Variants in PRKD1 observed in about 807,000 individuals in gnomAD.
PRKD1 encodes the protein serine/threonine-protein kinase D1.
PRKD1 carries 63 observed loss-of-function variants against 95.9 expected under a neutral mutation model. That is an observed-to-expected ratio of 0.66 (90% confidence interval 0.54 to 0.81). PRKD1 has a LOEUF of 0.81. Among genes scored for constraint, PRKD1 ranks in the 30% least tolerant of loss-of-function variants. PRKD1 has a pLI of 0.00. For synonymous variants in PRKD1, 425 were observed against 423.1 expected, an observed-to-expected ratio of 1.00 and a Z score of -0.05; for missense variants, 1,048 against 1,165.3, an observed-to-expected ratio of 0.90 and a Z score of 1.47.
intron 9 of PRKD1, among the ~76,000 whole-genome samples, 158 bp from the exon 10 acceptor site, chr14:29,631,179 T>A (rs1432202624): frequency 6.6e-6 from 1 of 152,114 alleles, no homozygotes; most frequent in African/African-American, 2.4e-5. Context: ...CTAAGCAAAA[T>A]TAAAAAAAAT....
At chr14:29,873,893 G>A (rs1308819329) in intron 1 of PRKD1, among the ~76,000 whole-genome samples, 3 of 151,874 alleles carry the variant, frequency 2.0e-5, no homozygotes, top group Non-Finnish European at 4.4e-5. Flanking sequence ...GGAATATGTG[G>A]CCAAATTTGT....
At chr14:29,871,129 T>C (rs1313348772) in intron 1 of PRKD1, among the ~76,000 whole-genome samples, 1 of 152,208 alleles carries the variant, frequency 6.6e-6, no homozygotes, top group Non-Finnish European at 1.5e-5. Flanking sequence ...AGGACTGTCA[T>C]ACTCCTACAC....
chr14:29,821,480 T>G (rs1419783858), intron 1 of PRKD1, among the ~76,000 whole-genome samples: 4 of 152,180 alleles, frequency 2.6e-5, no homozygotes, highest in Non-Finnish European at 5.9e-5. Context: ...CTGTTCTATC[T>G]GAATAACATA....
intron 3 of PRKD1, among the ~76,000 whole-genome samples, chr14:29,665,040 G>C (rs1882407703): frequency 6.6e-6 from 1 of 152,104 alleles, no homozygotes; most frequent in African/African-American, 2.4e-5. Context: ...ACATGATAAG[G>C]GAGAAAAGAT....
At chr14:29,918,314 C>T (rs12589992) in intron 1 of PRKD1, among the ~76,000 whole-genome samples, 10,860 of 151,960 alleles carry the variant, frequency 0.071, 536 homozygotes, top group East Asian at 0.22. Context: ...GGGAACTCAA[C>T]GTGAGACAGG....
At chr14:29,613,831 T>G (rs1193507392) in intron 13 of PRKD1, among the ~76,000 whole-genome samples, 1 of 152,212 alleles carries the variant, frequency 6.6e-6, no homozygotes, top group Non-Finnish European at 1.5e-5. Context: ...GTCTCCAATC[T>G]AAGGAAGGCA....
intron 1 of PRKD1, among the ~76,000 whole-genome samples, chr14:29,854,377 T>C (rs1370245064): frequency 6.6e-6 from 1 of 152,158 alleles, no homozygotes; most frequent in Non-Finnish European, 1.5e-5. Context: ...GTGACTCTTA[T>C]GTTTTAGTAA....
intron 2 of PRKD1, among the ~76,000 whole-genome samples, chr14:29,679,459 T>C (rs1264674959): frequency 1.3e-5 from 2 of 152,140 alleles, no homozygotes; most frequent in Non-Finnish European, 2.9e-5. Context: ...ATGATAAAAC[T>C]AAACAAATAC....
At chr14:29,860,517 T>C (rs1892672330) in intron 1 of PRKD1, among the ~76,000 whole-genome samples, 1 of 152,174 alleles carries the variant, frequency 6.6e-6, no homozygotes, top group African/African-American at 2.4e-5. Context: ...AGATATCACG[T>C]TAATTCAAAC....
At chr14:29,916,223 T>C (rs1894882013) in intron 1 of PRKD1, among the ~76,000 whole-genome samples, 1 of 152,216 alleles carries the variant, frequency 6.6e-6, no homozygotes, top group South Asian at 2.1e-4. Context: ...AGTTGCTCTT[T>C]GGAGCTCTCA....
At chr14:29,813,037 G>C (rs1015573628) in intron 1 of PRKD1, among the ~76,000 whole-genome samples, 3 of 152,158 alleles carry the variant, frequency 2.0e-5, no homozygotes, top group African/African-American at 7.2e-5. Context: ...TTGAACCTGG[G>C]AGGTGGAGGT....
intron 12 of PRKD1, among the ~76,000 whole-genome samples, chr14:29,624,519 T>C (rs547427554): frequency 1.3e-5 from 2 of 152,250 alleles, no homozygotes; most frequent in African/African-American, 2.4e-5. Flanking sequence ...CCTGTTTTTT[T>C]CATAAAATAT....
rs561717921 is a variant in PRKD1 at position 29,796,049 on chromosome 14, T to C, written c.265-70375A>G. 2.6e-5 allele frequency among the ~76,000 whole-genome samples: 4 copies of C among 152,284 alleles called. No homozygotes were observed. The South Asian group carries it at 6.2e-4, about 24-fold the overall frequency. On this transcript the variant is annotated intron_variant, in intron 1 of 17. Coordinates refer to ENST00000331968, the MANE Select transcript of PRKD1 (RefSeq NM_002742.3). ...GATATATAAATAACAGTGATACACA[T>C]ATTTGTAACACTCTTCTAAACAAGC...
chr14:29,850,037 C>A lies in PRKD1; in HGVS notation c.264+77212G>T, dbSNP rs77705866. On this transcript the variant is annotated intron_variant, in intron 1 of 17. Transcript: ENST00000331968. The stretch of plus-strand genomic sequence containing the variant: ...TGAAAACCCTCAAAAAATTAGGCAT[C>A]AAGAAACATACCTCAAAATAGTAAG... 8.5e-3 allele frequency among the ~76,000 whole-genome samples: 1,289 copies of A among 152,116 alleles called. 10 individuals are homozygous for A. Among genetic ancestry groups the A allele is most frequent in the Non-Finnish European group, 0.014 (964 of 67,958 alleles).
intron 1 of PRKD1, among the ~76,000 whole-genome samples, chr14:29,895,602 G>A (rs1307784544): frequency 6.6e-6 from 1 of 151,934 alleles, no homozygotes; most frequent in South Asian, 2.1e-4. Context: ...GAAGTGTCCC[G>A]CGAGGCCCTT....
intron 1 of PRKD1, among the ~76,000 whole-genome samples, chr14:29,763,675 C>G (rs1888128626): frequency 6.6e-6 from 1 of 152,036 alleles, no homozygotes; most frequent in Non-Finnish European, 1.5e-5. Flanking sequence ...CACAGATGTT[C>G]AAAGTAACTG....
intron 1 of PRKD1, among the ~76,000 whole-genome samples, chr14:29,793,257 T>C (rs768948069): frequency 6.6e-6 from 1 of 151,882 alleles, no homozygotes; most frequent in Non-Finnish European, 1.5e-5. Context: ...ATCTCATATA[T>C]AGTAGTCATC....
chr14:29,602,427 CTTTTTT>C (rs11331211), intron 13 of PRKD1, among the ~76,000 whole-genome samples: 1 of 131,438 alleles, frequency 7.6e-6, no homozygotes, highest in Non-Finnish European at 1.6e-5. Flanking sequence ...CTGTATTCCT[CTTTTTT>C]TTTTTTTTTT....
At chr14:29,646,238 G>A (rs924048961) in intron 4 of PRKD1, among the ~76,000 whole-genome samples, 1 of 152,032 alleles carries the variant, frequency 6.6e-6, no homozygotes, top group Non-Finnish European at 1.5e-5. Flanking sequence ...TTAAAATTTT[G>A]TTTGGGTGTG....
Sources: gnomAD v4.1 joint callset for allele counts (sites outside exome capture counted in the v4.1 genomes callset) on GRCh38, gnomAD v4.1.1 for gene constraint, MANE v1.5 for transcripts, NCBI Gene and HGNC (gene_info 2026-07-23, HGNC 2026-07-21) for gene names.